The following C7orf78 variants were observed in gnomAD, a reference collection of about 807,000 sequenced individuals.
C7orf78 encodes the protein putative uncharacterized protein C7orf78.
the C7orf78 span, among the ~76,000 whole-genome samples, chr7:12,512,475 T>G: frequency 6.6e-6 from 1 of 152,234 alleles, no homozygotes; most frequent in Non-Finnish European, 1.5e-5. Flanking sequence ...ATTCTGTTGA[T>G]GTGATGTATT....
At chr7:12,493,618 T>C in the C7orf78 span, among the ~76,000 whole-genome samples, 1 of 152,230 alleles carries the variant, frequency 6.6e-6, no homozygotes, top group Admixed American at 6.5e-5. Flanking sequence ...ACTACAGAGA[T>C]TAAGAACCTG....
At chr7:12,510,781 A>G in the C7orf78 span, among the ~76,000 whole-genome samples, 7 of 152,074 alleles carry the variant, frequency 4.6e-5, no homozygotes, top group Non-Finnish European at 1.0e-4. Context: ...TTCCTTGTAT[A>G]TGTTGGATAT....
the C7orf78 span, among the ~76,000 whole-genome samples, chr7:12,511,779 T>A: frequency 1.3e-5 from 2 of 152,042 alleles, no homozygotes; most frequent in Non-Finnish European, 2.9e-5. Flanking sequence ...TAAGATGGAG[T>A]CTTGCTCTGT....
chr7:12,526,661 T>G, the C7orf78 span, among the ~76,000 whole-genome samples: 1 of 152,166 alleles, frequency 6.6e-6, no homozygotes, highest in Non-Finnish European at 1.5e-5. Context: ...GTTATACTTA[T>G]AAAAGTGTCA....
chr7:12,523,365 T>A, the C7orf78 span: 4 of 398,258 alleles, frequency 1.0e-5, no homozygotes. Context: ...TTAATGTTTG[T>A]GAAGAGTGGA....
chr7:12,522,820 T>C, the C7orf78 span, among the ~76,000 whole-genome samples: 3 of 152,166 alleles, frequency 2.0e-5, no homozygotes, highest in Non-Finnish European at 4.4e-5. Flanking sequence ...GCAATGATAT[T>C]TTTTTCCTTC....
At chr7:12,517,133 G>C in the C7orf78 span, among the ~76,000 whole-genome samples, 1 of 152,124 alleles carries the variant, frequency 6.6e-6, no homozygotes, top group Non-Finnish European at 1.5e-5. Flanking sequence ...TGTGTTATGG[G>C]AGGGACTCGG....
chr7:12,514,677 T>G, the C7orf78 span, among the ~76,000 whole-genome samples: 1 of 152,120 alleles, frequency 6.6e-6, no homozygotes, highest in Admixed American at 6.5e-5. Context: ...TGTGGTACTA[T>G]TTGACTCCTT....
chr7:12,526,022 G>T, the C7orf78 span: 3 of 384,162 alleles, frequency 7.8e-6, no homozygotes, highest in Non-Finnish European at 9.2e-6. Flanking sequence ...TTAATAATAC[G>T]GTAAATTTTT....
the C7orf78 span, among the ~76,000 whole-genome samples, chr7:12,512,337 C>A: frequency 2.0e-5 from 3 of 152,118 alleles, no homozygotes; most frequent in East Asian, 3.9e-4. Context: ...TCATATATGG[C>A]TTTTATTATA....
the C7orf78 span, among the ~76,000 whole-genome samples, chr7:12,505,338 G>A: frequency 5.9e-5 from 9 of 152,048 alleles, no homozygotes; most frequent in South Asian, 8.3e-4. Flanking sequence ...ACTATGCATA[G>A]AGTTTGTAGA....
At chr7:12,537,105 C>G in the C7orf78 span, among the ~76,000 whole-genome samples, 1 of 152,184 alleles carries the variant, frequency 6.6e-6, no homozygotes, top group East Asian at 1.9e-4. Context: ...TCTACCAGTA[C>G]CAGTTTACTG....
chr7:12,507,845 C>T, the C7orf78 span, among the ~76,000 whole-genome samples: 56 of 152,262 alleles, frequency 3.7e-4, no homozygotes, highest in African/African-American at 1.3e-3. Flanking sequence ...AGAAACCTTT[C>T]CAGTTTTCCC....
chr7:12,484,797 C>T, the C7orf78 span, among the ~76,000 whole-genome samples: 1 of 152,048 alleles, frequency 6.6e-6, no homozygotes, highest in Non-Finnish European at 1.5e-5. Context: ...TGGACTAAAG[C>T]TTTCTACTTT....
At chr7:12,539,355 T>C in the C7orf78 span, among the ~76,000 whole-genome samples, 1 of 152,104 alleles carries the variant, frequency 6.6e-6, no homozygotes, top group African/African-American at 2.4e-5. Flanking sequence ...TCCCAGCTAC[T>C]TGGGAGGCTG....
the C7orf78 span, chr7:12,483,988 C>G: frequency 8.6e-5 from 13 of 151,736 alleles, no homozygotes; most frequent in African/African-American, 3.1e-4. Context: ...TATTTTGAGT[C>G]TGGAGTGTCT....
At chr7:12,533,140 C>G in the C7orf78 span, among the ~76,000 whole-genome samples, 1 of 152,118 alleles carries the variant, frequency 6.6e-6, no homozygotes, top group Non-Finnish European at 1.5e-5. Context: ...ATTGGTGGCT[C>G]AACATAAAAG....
At chr7:12,530,236 G>A in the C7orf78 span, among the ~76,000 whole-genome samples, 2 of 152,176 alleles carry the variant, frequency 1.3e-5, no homozygotes, top group Non-Finnish European at 2.9e-5. Flanking sequence ...AAGACTCCAG[G>A]TAGCAGGCTT....
At chr7:12,519,475 C>T in the C7orf78 span, among the ~76,000 whole-genome samples, 4 of 152,200 alleles carry the variant, frequency 2.6e-5, no homozygotes, top group Admixed American at 2.6e-4. Flanking sequence ...CAGCTCCAGT[C>T]AGACAGCTCT....
Sources: allele counts gnomAD v4.1 joint callset (sites outside exome capture counted in the v4.1 genomes callset), GRCh38; gene constraint gnomAD v4.1.1; transcripts MANE v1.5; gene names NCBI Gene and HGNC (gene_info 2026-07-23, HGNC 2026-07-21).